KANSL1: variants seen among roughly 807,000 people sequenced by gnomAD.
KANSL1 encodes the protein MLL1/MLL complex subunit KANSL1.
In KANSL1, 22 loss-of-function variants were observed where a neutral mutation model predicts 103.6. That is an observed-to-expected ratio of 0.21 (90% confidence interval 0.15 to 0.30). The LOEUF (loss-of-function observed/expected upper bound fraction) is 0.30, where lower values mean the gene tolerates loss of function less well. KANSL1 is among the 10% of genes least tolerant of loss of function. KANSL1 has a pLI of 1.00. For synonymous variants in KANSL1, 600 were observed against 527.6 expected (o/e 1.14, Z -1.88); for missense variants, 1,337 against 1,399.8 (o/e 0.96, Z 0.72).
At chr17:46,101,213 T>C (rs2042299350) in intron 2 of KANSL1, among the ~76,000 whole-genome samples, 1 of 152,078 alleles carries the variant, frequency 6.6e-6, no homozygotes, top group Non-Finnish European at 1.5e-5. Context: ...AATCTTGAAA[T>C]TGCTGAGTCA....
At chr17:46,048,799 A>G (rs2077603724) in intron 7 of KANSL1, among the ~76,000 whole-genome samples, 1 of 152,232 alleles carries the variant, frequency 6.6e-6, no homozygotes, top group Non-Finnish European at 1.5e-5. Flanking sequence ...TGTAAAGATT[A>G]TATTTGAATA....
Position 46,189,031 on chromosome 17 carries a change from CAAAAAAAAAAAAAAAAAAAAAAA to C in KANSL1, c.-90+3769_-90+3791del, listed in dbSNP as rs57566816. 4.2e-4 allele frequency among the ~76,000 whole-genome samples: 26 copies of C among 62,390 alleles called. No individual in the cohort carries two copies. In the South Asian group the frequency reaches 0.01, roughly 24 times the overall value. 40.9% of individuals were successfully genotyped at this position (62,390 alleles called of 152,430 possible). A position where few individuals can be genotyped will look rare whatever the true frequency, so the allele number is the denominator to read the frequency against. ...CTGGGCAACAGAGCAAAGATTGTCT[CAAAAAAAAAAAAAAAAAAAAAAA>C]AAAAAAAAAAAAGACAAGCAAGGTT... On this transcript the variant is annotated intron_variant, in intron 1 of 14. Transcript: ENST00000432791.
intron 6 of KANSL1, among the ~76,000 whole-genome samples, chr17:46,064,080 A>C (rs1395297781): frequency 2.0e-5 from 3 of 150,744 alleles, no homozygotes; most frequent in African/African-American, 7.3e-5. Context: ...AACAAAAAAA[A>C]ACTGAGACTG....
chr17:46,032,308 C>G lies in KANSL1; in HGVS notation c.2838-9G>C. On this transcript the variant is annotated splice_polypyrimidine_tract_variant and intron_variant, in intron 13 of 14. Transcript: ENST00000432791. ...CTGATGACCTGTAGGACCTGCACAC[C>G]AAGGAATGCAAATCTGAGTGCCTGG... is the stretch of plus-strand genomic sequence containing the variant. 1 of 1,497,372 alleles carries G rather than the reference C, an allele frequency of 6.7e-7. No individual in the cohort carries two copies. Among genetic ancestry groups the G allele is most frequent in the Non-Finnish European group, 8.9e-7 (1 of 1,125,870 alleles). The allele number at this position is 1,497,372 out of a possible 1,614,324, so 92.8% of individuals were successfully genotyped here.
intron 4 of KANSL1, among the ~76,000 whole-genome samples, chr17:46,072,645 A>G (rs2078619622): frequency 6.6e-6 from 1 of 152,208 alleles, no homozygotes; most frequent in Non-Finnish European, 1.5e-5. Context: ...CCATGGCCAT[A>G]AAATTGTACT....
chr17:46,119,679 A>T (rs1433185043), intron 2 of KANSL1, among the ~76,000 whole-genome samples: 1 of 152,112 alleles, frequency 6.6e-6, no homozygotes, highest in Non-Finnish European at 1.5e-5. Flanking sequence ...TTCATCTAAA[A>T]CTAGCTCTTC....
In KANSL1 at chr17:46,067,665, A is replaced by C. The variant is rs2078431082; in HGVS notation, c.1536T>G (p.Ile512Met). ...VKTDHGTDKL[I>M]ESVSQPLENH... ...TTTCCAATGGCTGAGAAACAGACTC[A>C]ATCTGATTAAGAAAAAGGAAAAAAG... is the stretch of plus-strand genomic sequence containing the variant. The change falls in exon 5 of 15, where the codon ATT becomes ATG. Residue 512 changes from isoleucine (I) to methionine (M), a missense_variant and splice_region_variant. Around this residue, in one of 2 missense-constraint regions of KANSL1, gnomAD observed 780 missense variants for 923.4 expected, o/e 0.84. Coordinates refer to ENST00000432791, the MANE Select transcript of KANSL1 (RefSeq NM_015443.4). 2 of 1,491,948 alleles carry C rather than the reference A, an allele frequency of 1.3e-6. No individual in the cohort carries two copies. The highest frequency in any genetic ancestry group is 1.9e-6 in the Non-Finnish European group (2 of 1,069,546). The allele number at this position is 1,491,948 out of a possible 1,614,324, so 92.4% of individuals were successfully genotyped here. A position where few individuals can be genotyped will look rare whatever the true frequency, so the allele number is the denominator to read the frequency against.
chr17:46,039,779 G>T lies in KANSL1; in HGVS notation c.2126C>A (p.Ala709Glu). ...ATCTGGCAGACTGCCCGGCATGGGT[G>T]CTCTGTGCTTAAGCGATAACTTTTT... The part of the protein sequence containing the change: ...PPKKLSLKHR[A>E]PMPGSLPDSA... Residue 709 changes from alanine to glutamate, a missense_variant, in exon 8 of 15, where the codon GCA becomes GAA. Physicochemically the swap from Ala to Glu is moderately radical, Grantham distance 107. Around this residue, in one of 2 missense-constraint regions of KANSL1, gnomAD observed 780 missense variants for 923.4 expected, o/e 0.84. Transcript: ENST00000432791. 6.2e-7 allele frequency: 1 copy of T among 1,614,202 alleles called. No individual in the cohort carries two copies. The highest frequency in any genetic ancestry group is 8.5e-7 in the Non-Finnish European group (1 of 1,180,040).
At chr17:46,112,948 C>T (rs1281300546) in intron 2 of KANSL1, among the ~76,000 whole-genome samples, 3 of 152,040 alleles carry the variant, frequency 2.0e-5, no homozygotes, top group Non-Finnish European at 4.4e-5. Flanking sequence ...CTTGAACTCC[C>T]GACCTCAGGT....
chr17:46,078,672 A>G (rs1056731950), intron 4 of KANSL1, among the ~76,000 whole-genome samples: 3 of 152,222 alleles, frequency 2.0e-5, no homozygotes, highest in Non-Finnish European at 4.4e-5. Flanking sequence ...TTTTGCTGAC[A>G]TTGTTGAGTA....
chr17:46,059,417 G>T (rs1191114361), intron 6 of KANSL1, among the ~76,000 whole-genome samples: 1 of 151,884 alleles, frequency 6.6e-6, no homozygotes, highest in Non-Finnish European at 1.5e-5. Flanking sequence ...TCAGGAGTTC[G>T]AAACCAGCTT....
intron 6 of KANSL1, among the ~76,000 whole-genome samples, chr17:46,062,994 G>A (rs2078237207): frequency 1.3e-5 from 2 of 152,160 alleles, no homozygotes; most frequent in Non-Finnish European, 2.9e-5. Flanking sequence ...AGGTTGCAGT[G>A]AGCCGAGATC....
intron 10 of KANSL1, chr17:46,037,300 C>T (rs531878987): frequency 6.6e-6 from 1 of 152,198 alleles, no homozygotes; most frequent in African/African-American, 2.4e-5. Context: ...GTGAGGGACA[C>T]TACACACCTA....
At position 46,145,112 on chromosome 17, in the gene KANSL1, T is replaced by C. The variant is rs553843139; in HGVS notation, c.1289+25743A>G. The stretch of plus-strand genomic sequence containing the variant: ...GTACTACTTAAGTTCTATCATCTCA[T>C]CCAAAAACTTGCTTCTTATATTCTG... On this transcript the variant is annotated intron_variant, in intron 2 of 14. Transcript: ENST00000432791. Among the ~76,000 whole-genome samples the C allele has an allele frequency of 5.0e-4, 76 of 152,290 alleles. 1 individual carries two copies. Among genetic ancestry groups the C allele is most frequent in the African/African-American group, 1.8e-3 (74 of 41,540 alleles).
intron 6 of KANSL1, among the ~76,000 whole-genome samples, chr17:46,053,122 T>C (rs2077784453): frequency 6.6e-6 from 1 of 150,982 alleles, no homozygotes; most frequent in Non-Finnish European, 1.5e-5. Flanking sequence ...ACCCCGTCTC[T>C]ACTAAAAATA....
intron 2 of KANSL1, among the ~76,000 whole-genome samples, chr17:46,119,431 C>T (rs12325972): frequency 0.045 from 6,799 of 151,868 alleles, 521 homozygotes; most frequent in African/African-American, 0.16. Context: ...CTCAGCCTCC[C>T]GGGTAGCTGG....
chr17:46,193,623 G>C (rs2047483928), upstream of KANSL1: 1 of 294,762 alleles, frequency 3.4e-6, no homozygotes, highest in Non-Finnish European at 7.1e-6. Flanking sequence ...CGCCGTGGCC[G>C]ATGTTTTTGT....
chr17:46,171,701 G>A lies in KANSL1; in HGVS notation c.443C>T (p.Ala148Val). 1 of 1,557,620 alleles carries A rather than the reference G, an allele frequency of 6.4e-7. No homozygotes were observed. The highest frequency in any genetic ancestry group is 2.3e-5 in the East Asian group (1 of 44,394). The change falls in exon 2 of 15, where the codon GCT becomes GTT. Residue 148 changes from alanine to valine, a missense_variant. Around this residue, in one of 2 missense-constraint regions of KANSL1, gnomAD observed 557 missense variants for 476.4 expected, o/e 1.17. Transcript: ENST00000432791. ...CCCATTTACAGGTGCTTGTGGCAGA[G>A]CTGTCTGACCACTCGTATTCATGGT... ...LRTMNTSGQT[A>V]LPQAPVNGLA...
At chr17:46,206,536 G>A (rs2047975290) in intron 1 of KANSL1, among the ~76,000 whole-genome samples, 1 of 152,172 alleles carries the variant, frequency 6.6e-6, no homozygotes, top group Non-Finnish European at 1.5e-5. Context: ...GACTAGCCAG[G>A]GCAACAAAGC....
Sources: allele counts gnomAD v4.1 joint callset (sites outside exome capture counted in the v4.1 genomes callset), GRCh38; gene constraint gnomAD v4.1.1; regional missense constraint gnomAD v4.1.1; transcripts MANE v1.5; gene names NCBI Gene and HGNC (gene_info 2026-07-23, HGNC 2026-07-21).